The following NCAM2 variants were observed in gnomAD, a reference collection of about 807,000 sequenced individuals.
NCAM2 encodes the protein N-CAM-2.
NCAM2 carries 30 observed loss-of-function variants against 98.1 expected under a neutral mutation model. The observed-to-expected ratio is 0.31, with a 90% CI of 0.23 to 0.41. NCAM2 has a LOEUF of 0.41. Among genes scored for constraint, NCAM2 ranks in the 10% least tolerant of loss-of-function variants. NCAM2 has a pLI of 1.00. For missense variants in NCAM2, 867 were observed against 1,005.8 expected (o/e 0.86, Z 1.87); for synonymous variants, 368 against 342.4 (o/e 1.07, Z -0.83).
chr21:21,452,968 AT>A (rs1569079609), intron 12 of NCAM2, among the ~76,000 whole-genome samples: 414 of 23,602 alleles, frequency 0.018, 1 homozygote, highest in Non-Finnish European at 0.037. Flanking sequence ...TATATATTAT[AT>A]ATTATTATAT....
chr21:21,223,098 A>G (rs1359746410), intron 1 of NCAM2, among the ~76,000 whole-genome samples: 2 of 152,204 alleles, frequency 1.3e-5, no homozygotes, highest in African/African-American at 2.4e-5. Flanking sequence ...ATTTTATGCA[A>G]CACACATATA....
intron 15 of NCAM2, among the ~76,000 whole-genome samples, chr21:21,497,632 A>T (rs1243226603): frequency 6.6e-6 from 1 of 152,206 alleles, no homozygotes; most frequent in African/African-American, 2.4e-5. Context: ...ACGTGTAACA[A>T]CATTTTGACA....
intron 1 of NCAM2, among the ~76,000 whole-genome samples, chr21:21,159,360 A>G (rs1569090239): frequency 6.6e-6 from 1 of 152,206 alleles, no homozygotes; most frequent in South Asian, 2.1e-4. Context: ...CTGCAGTAAT[A>G]TACAGTCAAG....
At chr21:21,406,603 CT>C (rs1234318649) in intron 9 of NCAM2, among the ~76,000 whole-genome samples, 1 of 152,162 alleles carries the variant, frequency 6.6e-6, no homozygotes, top group Non-Finnish European at 1.5e-5. Flanking sequence ...GAAAGGAGAT[CT>C]TTTTCTCCAC....
intron 9 of NCAM2, chr21:21,385,581 T>C: frequency 8.0e-7 from 1 of 1,243,444 alleles, no homozygotes; most frequent in Non-Finnish European, 1.1e-6. Context: ...CTTTTTTTGC[T>C]CAAAACCTCT....
chr21:21,414,062 C>T (rs2076938404), intron 10 of NCAM2, among the ~76,000 whole-genome samples: 1 of 152,304 alleles, frequency 6.6e-6, no homozygotes, highest in East Asian at 1.9e-4. Context: ...ATTTTTCAGG[C>T]ATCTTCAGCA....
At chr21:21,304,009 T>C (rs1282768846) in intron 5 of NCAM2, among the ~76,000 whole-genome samples, 1 of 152,200 alleles carries the variant, frequency 6.6e-6, no homozygotes, top group Non-Finnish European at 1.5e-5. Flanking sequence ...ATTTGGAATG[T>C]AATCCACTTA....
chr21:21,145,418 A>T (rs549465248), intron 1 of NCAM2, among the ~76,000 whole-genome samples: 2 of 152,352 alleles, frequency 1.3e-5, no homozygotes, highest in African/African-American at 4.8e-5. Context: ...ACTGCAATTT[A>T]TGTGTCACCA....
intron 8 of NCAM2, among the ~76,000 whole-genome samples, chr21:21,364,445 CAT>C (rs982587167): frequency 3.3e-5 from 5 of 151,848 alleles, no homozygotes; most frequent in African/African-American, 9.7e-5. Flanking sequence ...CAAAATAAAA[CAT>C]ATATTTGCTA....
At chr21:21,384,774 G>A (rs2076230180) in intron 9 of NCAM2, among the ~76,000 whole-genome samples, 1 of 151,922 alleles carries the variant, frequency 6.6e-6, no homozygotes, top group African/African-American at 2.4e-5. Context: ...AAAGATTGAT[G>A]AATACTTAAG....
chr21:21,343,358 T>TACACACACACACACACACAC (rs71195322), intron 8 of NCAM2, among the ~76,000 whole-genome samples: 43 of 120,880 alleles, frequency 3.6e-4, no homozygotes, highest in African/African-American at 1.2e-3. Context: ...TCTATACACA[T>TACACACACACACACACACAC]ACACACACAC....
intron 10 of NCAM2, among the ~76,000 whole-genome samples, chr21:21,415,567 C>G (rs1024697583): frequency 2.6e-5 from 4 of 151,974 alleles, no homozygotes; most frequent in Admixed American, 2.6e-4. Flanking sequence ...GATCTCCTGA[C>G]CTCGTGATCT....
At chr21:21,218,852 T>G (rs2070018063) in intron 1 of NCAM2, among the ~76,000 whole-genome samples, 1 of 152,210 alleles carries the variant, frequency 6.6e-6, no homozygotes, top group Admixed American at 6.5e-5. Context: ...AAGTCTAGCC[T>G]GGCCAACATG....
At chr21:21,149,574 A>G (rs1369949894) in intron 1 of NCAM2, among the ~76,000 whole-genome samples, 1 of 141,450 alleles carries the variant, frequency 7.1e-6, no homozygotes, top group East Asian at 2.1e-4. Context: ...CTTGCCCCCC[A>G]CCCCCCGACA....
At chr21:21,123,685 G>C (rs1245783160) in intron 1 of NCAM2, among the ~76,000 whole-genome samples, 1 of 151,968 alleles carries the variant, frequency 6.6e-6, no homozygotes, top group Non-Finnish European at 1.5e-5. Flanking sequence ...AATTTGATGA[G>C]CTAGTAAATT....
rs941843191 is a variant in NCAM2 at position 21,210,557 on chromosome 21, C to A, written c.56-70021C>A. On this transcript the variant is annotated intron_variant, in intron 1 of 17. Coordinates refer to ENST00000400546, the MANE Select transcript of NCAM2 (RefSeq NM_004540.5). ...TTCTTTCAGAGTTATTTGAAGAGTA[C>A]CACGATGGTGAGATCTGATTCAGGA... The A allele has an allele frequency of 3.9e-6, 5 of 1,287,822 alleles. No individual in the cohort carries two copies. The African/African-American group carries it at 4.6e-5, about 12-fold the overall frequency. The allele number at this position is 1,287,822 out of a possible 1,614,324, so 79.8% of individuals were successfully genotyped here.
At chr21:21,031,774 T>A (rs113936971) in intron 1 of NCAM2, among the ~76,000 whole-genome samples, 1,549 of 149,606 alleles carry the variant, frequency 0.01, 74 homozygotes, top group Admixed American at 0.081. Context: ...TCTCTCTCGA[T>A]ATATCTCTCT....
chr21:21,086,890 CTTA>C (rs2065915662), intron 1 of NCAM2, among the ~76,000 whole-genome samples: 1 of 149,278 alleles, frequency 6.7e-6, no homozygotes, highest in Admixed American at 6.7e-5. Flanking sequence ...ATTCAGTGTA[CTTA>C]TTATGTCTTG....
intron 1 of NCAM2, among the ~76,000 whole-genome samples, chr21:21,152,758 T>G (rs761264990): frequency 2.0e-5 from 3 of 151,928 alleles, no homozygotes; most frequent in Non-Finnish European, 4.4e-5. Flanking sequence ...GCGTTCCAGT[T>G]TACCACTCTC....
Sources: gnomAD v4.1 joint callset for allele counts (sites outside exome capture counted in the v4.1 genomes callset) on GRCh38, gnomAD v4.1.1 for gene constraint, MANE v1.5 for transcripts, NCBI Gene and HGNC (gene_info 2026-07-23, HGNC 2026-07-21) for gene names.